Variants in FRG1 observed in about 807,000 individuals in gnomAD.
FRG1 encodes protein FRG1.
A neutral mutation model predicts 37.0 loss-of-function variants in FRG1; 19 were observed. That is an observed-to-expected ratio of 0.51 (90% CI 0.36 to 0.75). FRG1 has a LOEUF of 0.75. FRG1 is among the 30% of genes least tolerant of loss of function. The pLI is 0.00. For missense variants in FRG1, 243 were observed against 301.4 expected, an observed-to-expected ratio of 0.81 and a Z score of 1.44; for synonymous variants, 73 against 96.5, an observed-to-expected ratio of 0.76 and a Z score of 1.43.
intron 2 of FRG1, among the ~76,000 whole-genome samples, 177 bp from the exon 3 acceptor site, chr4:189,951,985 G>A (rs1736773092): frequency 1.3e-5 from 2 of 152,288 alleles, no homozygotes; most frequent in African/African-American, 4.8e-5. Flanking sequence ...TTCTGACAGT[G>A]TATGATACTT....
chr4:189,942,384 C>T (rs1736348302), intron 1 of FRG1, among the ~76,000 whole-genome samples: 1 of 152,132 alleles, frequency 6.6e-6, no homozygotes, highest in South Asian at 2.1e-4. Context: ...ACATCCCATC[C>T]TCCCCCTCTC....
chr4:189,945,094 T>C (rs1163874911), intron 2 of FRG1, among the ~76,000 whole-genome samples: 3 of 152,258 alleles, frequency 2.0e-5, no homozygotes, highest in Non-Finnish European at 4.4e-5. Flanking sequence ...AGTATGTAGA[T>C]ATACAATTGA....
At chr4:189,947,562 A>G (rs1359776192) in intron 2 of FRG1, among the ~76,000 whole-genome samples, 1 of 152,152 alleles carries the variant, frequency 6.6e-6, no homozygotes. Context: ...CCTCAGCCAC[A>G]TGTTCTAGGT....
At chr4:189,958,409 T>A (rs1737081688) in intron 6 of FRG1, among the ~76,000 whole-genome samples, 1 of 152,206 alleles carries the variant, frequency 6.6e-6, no homozygotes, top group South Asian at 2.1e-4. Flanking sequence ...ACATAAAAAA[T>A]CATAGCAGAA....
At chr4:189,950,138 T>C (rs1736692821) in intron 2 of FRG1, among the ~76,000 whole-genome samples, 1 of 152,224 alleles carries the variant, frequency 6.6e-6, no homozygotes, top group African/African-American at 2.4e-5. Flanking sequence ...TGACTAGTGA[T>C]GTTGAGCGTC....
chr4:189,952,739 G>C (rs948398365), intron 3 of FRG1, among the ~76,000 whole-genome samples: 7 of 152,188 alleles, frequency 4.6e-5, no homozygotes, highest in East Asian at 1.9e-4. Flanking sequence ...GGTCAGCAAG[G>C]CCATCCCTTG....
chr4:189,946,170 C>CT (rs1736518165), intron 2 of FRG1, among the ~76,000 whole-genome samples: 2 of 152,108 alleles, frequency 1.3e-5, no homozygotes, highest in Admixed American at 1.3e-4. Context: ...TTTCTCAATT[C>CT]TTTACAAGAT....
chr4:189,952,691 G>A (rs1203463994), intron 3 of FRG1, among the ~76,000 whole-genome samples: 2 of 150,912 alleles, frequency 1.3e-5, no homozygotes, highest in African/African-American at 2.5e-5. Flanking sequence ...GCACTAATGA[G>A]ATATGAAGTA....
At chr4:189,949,468 A>G (rs1455686238) in intron 2 of FRG1, among the ~76,000 whole-genome samples, 4 of 152,248 alleles carry the variant, frequency 2.6e-5, no homozygotes, top group Non-Finnish European at 4.4e-5. Flanking sequence ...TTCAGTTGAC[A>G]ATATTAAAGT....
chr4:189,942,399 T>A (rs1409530900), intron 1 of FRG1, among the ~76,000 whole-genome samples: 1 of 152,158 alleles, frequency 6.6e-6, no homozygotes, highest in African/African-American at 2.4e-5. Flanking sequence ...CCTCTCCTAG[T>A]CCTTGGCAAC....
chr4:189,947,567 C>CTA (rs1736584153), intron 2 of FRG1, among the ~76,000 whole-genome samples: 1 of 152,186 alleles, frequency 6.6e-6, no homozygotes. Context: ...GCCACATGTT[C>CTA]TAGGTATACT....
Position 189,940,951 on chromosome 4 carries a change from G to C in FRG1, c.-59G>C, listed in dbSNP as rs971593915. On this transcript the variant is annotated 5_prime_UTR_variant, in exon 1 of 9. Coordinates refer to ENST00000226798, the MANE Select transcript of FRG1 (RefSeq NM_004477.3). ...TTTCTCCGCGCCCCTGTGCTGCCCC[G>C]ACTCACATACTCGTCCAGAACCGGC... 2.3e-4 allele frequency: 323 copies of C among 1,403,930 alleles called. 2 individuals carry two copies. The African/African-American group carries it at 4.5e-3, about 20-fold the overall frequency. 87.0% of individuals were successfully genotyped at this position (1,403,930 alleles called of 1,614,324 possible). A position where few individuals can be genotyped will look rare whatever the true frequency, so the allele number is the denominator to read the frequency against.
At chr4:189,956,236 G>A (rs986262450) in intron 5 of FRG1, among the ~76,000 whole-genome samples, 7 of 151,468 alleles carry the variant, frequency 4.6e-5, no homozygotes, top group South Asian at 2.1e-4. Flanking sequence ...CCCCCATACC[G>A]TACAGGAAAC....
At chr4:189,950,348 G>A (rs111309064) in intron 2 of FRG1, among the ~76,000 whole-genome samples, 68 of 146,066 alleles carry the variant, frequency 4.7e-4, no homozygotes, top group African/African-American at 1.5e-3. Context: ...GGCGGTTCTT[G>A]ATGCACAAAA....
intron 3 of FRG1, 46 bp downstream of exon 3, chr4:189,952,333 G>C (rs766300083): frequency 1.3e-6 from 2 of 1,586,408 alleles, no homozygotes; most frequent in Middle Eastern, 2.3e-4. Flanking sequence ...TAGATTTTAG[G>C]ACATTCATTC....
chr4:189,955,102 G>C lies in FRG1; in HGVS notation c.383G>C (p.Arg128Pro). 2 of 1,613,406 alleles carry C rather than the reference G, an allele frequency of 1.2e-6. No homozygotes were observed. The highest frequency in any genetic ancestry group is 1.1e-5 in the South Asian group (1 of 91,046). The change falls in exon 5 of 9, where the codon CGT (arginine) becomes CCT (proline). Residue 128 changes from arginine (R) to proline (P), a missense_variant. Arg to Pro is a moderately radical substitution (Grantham distance 103). This residue lies in a region of FRG1 where 133 missense variants were observed against 199.3 expected (regional missense o/e 0.67). Coordinates refer to ENST00000226798, the MANE Select transcript of FRG1 (RefSeq NM_004477.3). ...AATTCAGATGGACTTGTTGTTGGGC[G>C]TTCAGATGCAATTGGACCAAGAGAA... ...GINSDGLVVGRSDAIGPREQW... is the reference protein window; with the variant it reads ...GINSDGLVVGPSDAIGPREQW...
At chr4:189,955,805 T>C (rs1336437429) in intron 5 of FRG1, among the ~76,000 whole-genome samples, 6 of 152,128 alleles carry the variant, frequency 3.9e-5, no homozygotes, top group Admixed American at 3.3e-4. Context: ...TAAACAGTCT[T>C]TAAAAAGTAG....
chr4:189,962,598 C>T (rs201457196), intron 8 of FRG1, among the ~76,000 whole-genome samples: 4 of 152,078 alleles, frequency 2.6e-5, no homozygotes, highest in African/African-American at 7.2e-5. Context: ...TGTTTAATTA[C>T]GTATTTCCTG....
intron 2 of FRG1, among the ~76,000 whole-genome samples, chr4:189,945,966 TGTG>T (rs901418073): frequency 6.6e-6 from 1 of 152,210 alleles, no homozygotes; most frequent in Admixed American, 6.5e-5. Context: ...ATTTTTCTGT[TGTG>T]TCAGTTTTGG....
Sources: allele counts gnomAD v4.1 joint callset (sites outside exome capture counted in the v4.1 genomes callset), GRCh38; gene constraint gnomAD v4.1.1; regional missense constraint gnomAD v4.1.1; transcripts MANE v1.5; gene names NCBI Gene and HGNC (gene_info 2026-07-23, HGNC 2026-07-21).